TULP4: variants seen among roughly 807,000 people sequenced by gnomAD.
The protein encoded by TULP4 is tubby-related protein 4.
In TULP4, 16 loss-of-function variants were observed where a neutral mutation model predicts 129.0. That is an observed-to-expected ratio of 0.12 (90% CI 0.08 to 0.19). TULP4 has a LOEUF of 0.19. Ranked by LOEUF, TULP4 falls within the 10% of genes least tolerant of loss-of-function variation. The probability of loss-of-function intolerance (pLI) is 1.00; values close to 1 mark genes in which losing one functional copy is unlikely to be tolerated. For missense variants in TULP4, 1,842 were observed against 2,059.1 expected (o/e 0.89, Z 2.04); for synonymous variants, 998 against 854.0 (o/e 1.17, Z -2.94).
At chr6:158,314,656 C>A (rs563032335) in intron 1 of TULP4, among the ~76,000 whole-genome samples, 3 of 152,274 alleles carry the variant, frequency 2.0e-5, no homozygotes, top group African/African-American at 7.2e-5. Context: ...TTACCCCCAC[C>A]CCTGATGTCC....
At chr6:158,480,391 C>T (rs1028885263) in intron 7 of TULP4, among the ~76,000 whole-genome samples, 5 of 152,336 alleles carry the variant, frequency 3.3e-5, no homozygotes, top group African/African-American at 1.2e-4. Flanking sequence ...GTAACTTGCT[C>T]CCTAGCTGGT....
At chr6:158,332,598 G>A (rs1168929738) in intron 1 of TULP4, among the ~76,000 whole-genome samples, 1 of 152,148 alleles carries the variant, frequency 6.6e-6, no homozygotes, top group Non-Finnish European at 1.5e-5. Flanking sequence ...GCAGCTGGGA[G>A]TATGGACAAG....
At chr6:158,456,212 T>A (rs1779287960) in intron 5 of TULP4, among the ~76,000 whole-genome samples, 2 of 152,134 alleles carry the variant, frequency 1.3e-5, no homozygotes, top group South Asian at 4.1e-4. Context: ...CAACTTTTAT[T>A]CTCTTCTCTG....
intron 1 of TULP4, among the ~76,000 whole-genome samples, chr6:158,303,756 G>T (rs1167763057): frequency 6.6e-6 from 1 of 152,102 alleles, no homozygotes; most frequent in African/African-American, 2.4e-5. Flanking sequence ...CTATTTGCAG[G>T]GTATTCACGT....
chr6:158,429,635 C>T, intron 2 of TULP4, 101 bp from the exon 3 acceptor site: 1 of 1,287,224 alleles, frequency 7.8e-7, no homozygotes, highest in Non-Finnish European at 1.1e-6. Flanking sequence ...AGGCCATCTC[C>T]ATCTTAGCCA....
At chr6:158,261,867 G>A (rs559981018) in intron 1 of TULP4, among the ~76,000 whole-genome samples, 115 of 152,204 alleles carry the variant, frequency 7.6e-4, no homozygotes, top group African/African-American at 2.6e-3. Context: ...TGACCAGGCA[G>A]GAGGAAAAGA....
At chr6:158,294,539 T>C (rs192153837) in intron 1 of TULP4, among the ~76,000 whole-genome samples, 1 of 152,218 alleles carries the variant, frequency 6.6e-6, no homozygotes, top group East Asian at 1.9e-4. Context: ...TCCTAGGTAG[T>C]AGAGCTGTGA....
At chr6:158,424,881 C>T (rs987737064) in intron 2 of TULP4, among the ~76,000 whole-genome samples, 7 of 151,902 alleles carry the variant, frequency 4.6e-5, no homozygotes, top group South Asian at 2.1e-4. Context: ...CGGCTGGGCA[C>T]GGTGGCTCGT....
intron 2 of TULP4, among the ~76,000 whole-genome samples, chr6:158,419,985 CT>C (rs2115028073): frequency 6.6e-6 from 1 of 152,264 alleles, no homozygotes; most frequent in East Asian, 1.9e-4. Context: ...AGACAACATA[CT>C]TTTTTCTCAA....
At chr6:158,262,240 G>A (rs1434209554) in intron 1 of TULP4, among the ~76,000 whole-genome samples, 1 of 152,200 alleles carries the variant, frequency 6.6e-6, no homozygotes, top group African/African-American at 2.4e-5. Context: ...TTCCCACTCA[G>A]CCTCCGCAGG....
At chr6:158,387,342 C>G (rs1777471459) in intron 1 of TULP4, among the ~76,000 whole-genome samples, 2 of 152,120 alleles carry the variant, frequency 1.3e-5, no homozygotes, top group South Asian at 4.1e-4. Context: ...TCATGACGTT[C>G]TGCAACACAA....
At chr6:158,384,210 C>G (rs554070190) in intron 1 of TULP4, among the ~76,000 whole-genome samples, 1 of 152,006 alleles carries the variant, frequency 6.6e-6, no homozygotes, top group Admixed American at 6.6e-5. Context: ...ATTTTTATTA[C>G]CATAATGTAG....
At chr6:158,358,331 A>G (rs1350102287) in intron 1 of TULP4, among the ~76,000 whole-genome samples, 1 of 152,214 alleles carries the variant, frequency 6.6e-6, no homozygotes, top group Non-Finnish European at 1.5e-5. Flanking sequence ...ACTTGGTGAT[A>G]TTATGCTCAG....
rs9347227 is a variant in TULP4, at chr6:158,313,844, G to A, written c.-173G>A. On this transcript the variant is annotated 5_prime_UTR_variant, in exon 1 of 14. Transcript: ENST00000367097. ...AGAGGAATTTTTTCACTATGCATTC[G>A]GTGGATCTTTATAAAATACTGACCT... 115,281 of 683,734 alleles carry A rather than the reference G, an allele frequency of 0.17. 11,961 individuals are homozygous for A. The highest frequency in any genetic ancestry group is 0.42 in the East Asian group (14,961 of 36,016). The allele number at this position is 683,734 out of a possible 1,614,324, so 42.4% of individuals were successfully genotyped here.
At chr6:158,495,288 A>G (rs2128258707) in intron 11 of TULP4, among the ~76,000 whole-genome samples, 1 of 152,260 alleles carries the variant, frequency 6.6e-6, no homozygotes, top group African/African-American at 2.4e-5. Context: ...CCTGAGCTCA[A>G]GCAATTTGCC....
At chr6:158,487,573 A>G (rs1040691516) in intron 8 of TULP4, among the ~76,000 whole-genome samples, 6 of 152,228 alleles carry the variant, frequency 3.9e-5, no homozygotes, top group African/African-American at 1.2e-4. Flanking sequence ...CCCAGCTTAC[A>G]TTTTTCTACG....
intron 8 of TULP4, among the ~76,000 whole-genome samples, chr6:158,483,662 CATT>C (rs888474216): frequency 2.0e-5 from 3 of 152,120 alleles, no homozygotes; most frequent in Non-Finnish European, 2.9e-5. Context: ...GCCGCCATAT[CATT>C]GTTTCTCAAA....
intron 1 of TULP4, among the ~76,000 whole-genome samples, chr6:158,240,070 G>A (rs1296784735): frequency 0.012 from 781 of 66,880 alleles, no homozygotes; most frequent in Middle Eastern, 0.014. Context: ...TCCCGGACGG[G>A]GCGGCTGGCC....
At chr6:158,457,141 T>TTGTC (rs1459474603) in intron 5 of TULP4, among the ~76,000 whole-genome samples, 1 of 152,204 alleles carries the variant, frequency 6.6e-6, no homozygotes, top group Non-Finnish European at 1.5e-5. Context: ...GGTCAGCCAC[T>TTGTC]TGTCTCATAG....
Sources: gnomAD v4.1 joint callset for allele counts (sites outside exome capture counted in the v4.1 genomes callset) on GRCh38, gnomAD v4.1.1 for gene constraint, MANE v1.5 for transcripts, NCBI Gene and HGNC (gene_info 2026-07-23, HGNC 2026-07-21) for gene names.